TUSC3: variants seen among roughly 807,000 people sequenced by gnomAD.
TUSC3 encodes dolichyl-diphosphooligosaccharide--protein glycosyltransferase subunit TUSC3.
TUSC3 carries 45 observed loss-of-function variants against 44.8 expected under a neutral mutation model. The observed-to-expected ratio is 1.00, with a 90% CI of 0.79 to 1.29. The LOEUF is 1.29. Among genes scored for constraint, TUSC3 ranks in the 50% most tolerant of loss-of-function variants. The pLI is 0.00. For synonymous variants in TUSC3, 212 were observed against 152.9 expected, an observed-to-expected ratio of 1.39 and a Z score of -2.85; for missense variants, 519 against 437.9, an observed-to-expected ratio of 1.19 and a Z score of -1.65.
intron 2 of TUSC3, among the ~76,000 whole-genome samples, chr8:15,510,908 T>C (rs1801126026): frequency 6.6e-6 from 1 of 152,140 alleles, no homozygotes; most frequent in African/African-American, 2.4e-5. Flanking sequence ...GAATGCAAGA[T>C]TGGTTTACTT....
chr8:15,684,651 T>A (rs1433337090), intron 6 of TUSC3, among the ~76,000 whole-genome samples: 1 of 152,150 alleles, frequency 6.6e-6, no homozygotes, highest in Non-Finnish European at 1.5e-5. Context: ...AGCTCTGATG[T>A]CAGCACATGA....
rs369530912 is a variant in TUSC3, at chr8:15,501,111, A to C, written n.189+17628A>C. On this transcript the variant is annotated intron_variant and non_coding_transcript_variant, in intron 2 of 5. Transcript: ENST00000503191. ...ACACTGTAAACATTTGGCCCCTAGC[A>C]TCTCCTTACATCACTTTTGGTATTT... 2.6e-5 allele frequency among the ~76,000 whole-genome samples: 4 copies of C among 152,182 alleles called. No homozygotes were observed. The East Asian group carries it at 5.8e-4, about 22-fold the overall frequency.
At chr8:15,742,969 G>A (rs982447927) in intron 7 of TUSC3, among the ~76,000 whole-genome samples, 2 of 152,182 alleles carry the variant, frequency 1.3e-5, no homozygotes, top group African/African-American at 4.8e-5. Context: ...TAAGGTATCA[G>A]TTAGCTGACT....
chr8:15,821,778 C>A, the TUSC3 span, among the ~76,000 whole-genome samples: 2 of 150,334 alleles, frequency 1.3e-5, no homozygotes, highest in Non-Finnish European at 3.0e-5. Flanking sequence ...CTTTTATATA[C>A]TTGTTTGTTT....
At chr8:15,630,429 T>A (rs933448382) in intron 2 of TUSC3, among the ~76,000 whole-genome samples, 8 of 151,828 alleles carry the variant, frequency 5.3e-5, no homozygotes, top group Non-Finnish European at 1.0e-4. Flanking sequence ...TTGGGGACGC[T>A]ATGTTAAGTC....
chr8:15,822,747 C>A, the TUSC3 span, among the ~76,000 whole-genome samples: 2 of 152,076 alleles, frequency 1.3e-5, no homozygotes, highest in Non-Finnish European at 2.9e-5. Context: ...AAAAGACTTT[C>A]AAGGAGGAAG....
chr8:15,535,059 T>C (rs1585079157), intron 2 of TUSC3, among the ~76,000 whole-genome samples: 1 of 152,358 alleles, frequency 6.6e-6, no homozygotes, highest in South Asian at 2.1e-4. Context: ...GGCCATATTA[T>C]TTTGCTTTAA....
chr8:15,434,929 C>T (rs553300025), intron 1 of TUSC3, among the ~76,000 whole-genome samples: 15 of 151,392 alleles, frequency 9.9e-5, no homozygotes, highest in African/African-American at 3.7e-4. Flanking sequence ...TTAATCCAGT[C>T]TATCATTGTT....
chr8:15,571,454 C>G (rs553315080), intron 1 of TUSC3, among the ~76,000 whole-genome samples: 1 of 152,124 alleles, frequency 6.6e-6, no homozygotes, highest in African/African-American at 2.4e-5. Flanking sequence ...AGCACTCTGT[C>G]TAAAAGAAAA....
At chr8:15,710,834 A>G (rs1006328228) in intron 6 of TUSC3, among the ~76,000 whole-genome samples, 2 of 147,746 alleles carry the variant, frequency 1.4e-5, no homozygotes, top group Non-Finnish European at 3.0e-5. Flanking sequence ...TTATAAATAT[A>G]TATATATTCA....
At chr8:15,551,258 CTAGAG>C (rs1802052382) in intron 1 of TUSC3, among the ~76,000 whole-genome samples, 3 of 151,674 alleles carry the variant, frequency 2.0e-5, no homozygotes, top group African/African-American at 7.2e-5. Context: ...CTAGAAACTA[CTAGAG>C]TAGACTTTTA....
chr8:15,556,780 T>G (rs548964323), intron 1 of TUSC3, among the ~76,000 whole-genome samples: 2 of 131,726 alleles, frequency 1.5e-5, no homozygotes, highest in African/African-American at 5.5e-5. Flanking sequence ...TTTCATGTGT[T>G]TTTTGGCTGC....
intron 9 of TUSC3, 77 bp downstream of exon 9, chr8:15,748,542 A>G (rs1811523431): frequency 4.7e-6 from 6 of 1,287,674 alleles, no homozygotes; most frequent in Admixed American, 3.4e-5. Flanking sequence ...TATATAATTA[A>G]GGATGAATGT....
chr8:15,830,349 T>C, the TUSC3 span, among the ~76,000 whole-genome samples: 5 of 152,200 alleles, frequency 3.3e-5, no homozygotes, highest in Non-Finnish European at 5.9e-5. Flanking sequence ...TATTCATAAA[T>C]CCTTTGCATC....
At chr8:15,443,210 GGCTGGAGT>G (rs1800043671) in intron 1 of TUSC3, among the ~76,000 whole-genome samples, 1 of 151,758 alleles carries the variant, frequency 6.6e-6, no homozygotes, top group Admixed American at 6.6e-5. Flanking sequence ...CTGTCACCCA[GGCTGGAGT>G]GCTGGAGTGC....
At chr8:15,519,240 T>C (rs17121591) in intron 2 of TUSC3, among the ~76,000 whole-genome samples, 6,550 of 152,280 alleles carry the variant, frequency 0.043, 415 homozygotes, top group African/African-American at 0.14. Context: ...TTAAAAATTT[T>C]TTAGAGATAA....
At chr8:15,710,147 T>C (rs1000207822) in intron 6 of TUSC3, among the ~76,000 whole-genome samples, 4 of 151,724 alleles carry the variant, frequency 2.6e-5, no homozygotes, top group African/African-American at 7.3e-5. Flanking sequence ...GAAATGTTAC[T>C]TTAGGTTTTG....
chr8:15,546,513 G>T (rs1045039931), intron 1 of TUSC3, among the ~76,000 whole-genome samples: 2 of 151,688 alleles, frequency 1.3e-5, no homozygotes, highest in African/African-American at 4.8e-5. Context: ...AGGCTTCAAA[G>T]ATGTTATTCA....
chr8:15,709,187 A>G (rs1179377143), intron 6 of TUSC3, among the ~76,000 whole-genome samples: 1 of 151,890 alleles, frequency 6.6e-6, no homozygotes, highest in Non-Finnish European at 1.5e-5. Context: ...CTGTCTTGGA[A>G]GATCAGGTAG....
Sources: allele counts gnomAD v4.1 joint callset (sites outside exome capture counted in the v4.1 genomes callset), GRCh38; gene constraint gnomAD v4.1.1; transcripts MANE v1.5; gene names NCBI Gene and HGNC (gene_info 2026-07-23, HGNC 2026-07-21).